Variants in CSF1R observed in about 807,000 individuals in gnomAD.
CSF1R encodes macrophage colony-stimulating factor 1 receptor.
A neutral mutation model predicts 110.0 loss-of-function variants in CSF1R; 40 were observed. That is an observed-to-expected ratio of 0.36 (90% CI 0.28 to 0.47). The LOEUF is 0.47. Ranked by LOEUF, CSF1R falls within the 20% of genes least tolerant of loss-of-function variation. CSF1R has a pLI of 0.99. For synonymous variants in CSF1R, 523 were observed against 503.4 expected, an observed-to-expected ratio of 1.04 and a Z score of -0.52; for missense variants, 1,052 against 1,253.0, an observed-to-expected ratio of 0.84 and a Z score of 2.42.
At chr5:150,055,942 T>A in intron 18 of CSF1R, 84 bp downstream of exon 18, 1 of 1,271,142 alleles carries the variant, frequency 7.9e-7, no homozygotes, top group Admixed American at 2.0e-5. Flanking sequence ...CGCTGTGTCC[T>A]GGGCACCAAA....
intron 16 of CSF1R, 125 bp from the exon 17 acceptor site, chr5:150,056,466 CT>C: frequency 8.2e-7 from 1 of 1,215,508 alleles, no homozygotes; most frequent in Non-Finnish European, 1.2e-6. Context: ...AGTTTTGGTC[CT>C]TTACCACAAA....
chr5:150,070,014 C>A lies in CSF1R; in HGVS notation c.1369G>T (p.Val457Phe). 1 of 1,614,130 alleles carries A rather than the reference C, an allele frequency of 6.2e-7. No individual in the cohort carries two copies. ...LQVWDDPYPE[V>F]LSQEPFHKVT... Reference sequence around the variant, plus strand: ...TTGTGGAAGGGCTCCTGGCTCAGGACCTCAGGGTATGGGTCATCCCAGACC... The same window carrying A: ...TTGTGGAAGGGCTCCTGGCTCAGGAACTCAGGGTATGGGTCATCCCAGACC... Residue 457 changes from valine to phenylalanine, a missense_variant, in exon 9 of 21, where the codon GTC becomes TTC. Coordinates refer to ENST00000675795, the MANE Select transcript of CSF1R (RefSeq NM_001288705.3).
At chr5:150,107,966 G>A (rs1759602454) in intron 1 of CSF1R, among the ~76,000 whole-genome samples, 1 of 152,260 alleles carries the variant, frequency 6.6e-6, no homozygotes, top group Non-Finnish European at 1.5e-5. Context: ...GCCAGGAGAG[G>A]AACCAGGCCA....
chr5:150,079,127 G>T (rs1758410076), intron 3 of CSF1R, among the ~76,000 whole-genome samples: 1 of 152,182 alleles, frequency 6.6e-6, no homozygotes, highest in Non-Finnish European at 1.5e-5. Flanking sequence ...CTCACCCAAG[G>T]TCCCTGAGGG....
At chr5:150,057,256 G>A in intron 16 of CSF1R, 31 bp downstream of exon 16, 1 of 1,591,070 alleles carries the variant, frequency 6.3e-7, no homozygotes, top group Non-Finnish European at 8.6e-7. Context: ...AGACCTGGGT[G>A]GCTATGAGCC....
At chr5:150,059,618 C>A (rs1388389068) in intron 14 of CSF1R, 82 bp downstream of exon 14, 3 of 1,549,408 alleles carry the variant, frequency 1.9e-6, no homozygotes, top group Admixed American at 1.7e-5. Context: ...CATGAGCCAT[C>A]CAACCCTGAG....
chr5:150,106,867 A>G (rs1035843580), intron 1 of CSF1R, among the ~76,000 whole-genome samples: 4 of 152,084 alleles, frequency 2.6e-5, no homozygotes, highest in African/African-American at 9.7e-5. Flanking sequence ...TCCCTGTCTT[A>G]TAGTCTCTCG....
intron 1 of CSF1R, among the ~76,000 whole-genome samples, chr5:150,082,245 C>A (rs545961364): frequency 6.6e-6 from 1 of 152,214 alleles, no homozygotes; most frequent in African/African-American, 2.4e-5. Context: ...AGGCCAGCCC[C>A]GAGGGCTTTC....
intron 9 of CSF1R, among the ~76,000 whole-genome samples, chr5:150,068,670 CT>C (rs910546969): frequency 6.6e-6 from 1 of 152,154 alleles, no homozygotes; most frequent in African/African-American, 2.4e-5. Flanking sequence ...CCAGCCATGG[CT>C]TGCATGCACT....
At chr5:150,067,417 A>T (rs1037861722) in intron 10 of CSF1R, among the ~76,000 whole-genome samples, 15 of 152,336 alleles carry the variant, frequency 9.8e-5, no homozygotes, top group African/African-American at 3.1e-4. Context: ...AACCTCTCAG[A>T]ACCTCAGTTT....
At chr5:150,108,818 G>A in intron 1 of CSF1R, among the ~76,000 whole-genome samples, 1 of 130,096 alleles carries the variant, frequency 7.7e-6, no homozygotes, top group Admixed American at 7.2e-5. Flanking sequence ...TGAGCAGGTG[G>A]GGGGTGGGAG....
At chr5:150,104,213 G>A (rs1759482765) in intron 1 of CSF1R, among the ~76,000 whole-genome samples, 1 of 152,200 alleles carries the variant, frequency 6.6e-6, no homozygotes, top group African/African-American at 2.4e-5. Flanking sequence ...CCTGACCCAG[G>A]CTGGCAGAGA....
Position 150,070,224 on chromosome 5 carries a change from TG to T in CSF1R, c.1276del (p.Gln426SerfsTer4), listed in dbSNP as rs2113809084. ...GCACTGCAGCCATGTCACGTTGGGC[TG>T]GGGGTACCCAGAGGCAGCACACAAA... is the stretch of plus-strand genomic sequence containing the variant. ...TLLCAASGYPQPNVTWLQCSG... is the reference protein window; with the variant it reads ...TLLCAASGYPXPNVTWLQCSG... On this transcript the variant is annotated frameshift_variant, in exon 8 of 21. Transcript: ENST00000675795. LOFTEE classifies it high-confidence loss of function. 6.2e-7 allele frequency: 1 copy of T among 1,614,092 alleles called. No homozygotes were observed.
At chr5:150,085,476 G>A (rs1200987607) in intron 1 of CSF1R, among the ~76,000 whole-genome samples, 1 of 151,910 alleles carries the variant, frequency 6.6e-6, no homozygotes, top group Non-Finnish European at 1.5e-5. Context: ...GAATAAGCAG[G>A]CAATAGAAAT....
At chr5:150,091,721 G>A (rs35316759) in intron 1 of CSF1R, among the ~76,000 whole-genome samples, 34,754 of 151,926 alleles carry the variant, frequency 0.23, 4,124 homozygotes, top group East Asian at 0.4. Context: ...CCTAAATGCC[G>A]TTGTACACCT....
chr5:150,080,748 G>T lies in CSF1R; in HGVS notation c.307+19C>A. 2 of 1,613,690 alleles carry T rather than the reference G, an allele frequency of 1.2e-6. No individual in the cohort carries two copies. The highest frequency in any genetic ancestry group is 1.7e-6 in the Non-Finnish European group (2 of 1,179,734). On this transcript the variant is annotated intron_variant, in intron 2 of 20. Coordinates refer to ENST00000675795, the MANE Select transcript of CSF1R (RefSeq NM_001288705.3). ...GCCTGCCGGGTCAGGCCTCTTGGGA[G>T]GAGGCTCAGACTCCTCACCTTTGAC...
At chr5:150,096,195 G>C (rs1323834974) in intron 1 of CSF1R, among the ~76,000 whole-genome samples, 1 of 152,158 alleles carries the variant, frequency 6.6e-6, no homozygotes, top group Non-Finnish European at 1.5e-5. Context: ...TTCGAGACCA[G>C]CCTGGCCAAC....
At chr5:150,098,624 G>A (rs1759297460) in intron 1 of CSF1R, 1 of 151,838 alleles carries the variant, frequency 6.6e-6, no homozygotes, top group Non-Finnish European at 1.5e-5. Context: ...ATCTTATAAA[G>A]GACTTATATC....
chr5:150,060,755 G>T, intron 13 of CSF1R, 107 bp downstream of exon 13: 1 of 675,672 alleles, frequency 1.5e-6, no homozygotes, highest in Non-Finnish European at 2.5e-6. Context: ...CCTGACACTT[G>T]GAGCAGTAGG....
Sources: gnomAD v4.1 joint callset for allele counts (sites outside exome capture counted in the v4.1 genomes callset) on GRCh38, gnomAD v4.1.1 for gene constraint, MANE v1.5 for transcripts, NCBI Gene and HGNC (gene_info 2026-07-23, HGNC 2026-07-21) for gene names.